Variants in FBXO39 observed in about 807,000 individuals in gnomAD.
FBXO39 encodes the protein F-box only protein 39.
Under a neutral mutation model 36.6 loss-of-function variants are expected in FBXO39, and 22 were observed. The observed-to-expected ratio is 0.60, with a 90% CI of 0.43 to 0.86. FBXO39 has a LOEUF of 0.86. Among genes scored for constraint, FBXO39 ranks in the 40% least tolerant of loss-of-function variants. The pLI, the probability that FBXO39 is intolerant of heterozygous loss-of-function variation, is 0.00. For synonymous variants in FBXO39, 206 were observed against 205.8 expected (o/e 1.00, Z -0.01); for missense variants, 536 against 543.9 (o/e 0.99, Z 0.14).
At chr17:6,778,281 T>C (rs984751284) in intron 1 of FBXO39, among the ~76,000 whole-genome samples, 1 of 152,188 alleles carries the variant, frequency 6.6e-6, no homozygotes, top group Non-Finnish European at 1.5e-5. Context: ...GGCAACGGAA[T>C]GGGACAGAGG....
intron 1 of FBXO39, among the ~76,000 whole-genome samples, chr17:6,776,524 AC>A (rs908127895): frequency 2.0e-5 from 3 of 152,054 alleles, no homozygotes; most frequent in African/African-American, 7.2e-5. Flanking sequence ...TGGTGGACCA[AC>A]CCTGGGTTCG....
At chr17:6,786,106 T>C (rs913640797) in intron 2 of FBXO39, among the ~76,000 whole-genome samples, 2 of 152,248 alleles carry the variant, frequency 1.3e-5, no homozygotes, top group Admixed American at 1.3e-4. Context: ...GCAACCTAAG[T>C]GTCCATCAAT....
Position 6,780,507 on chromosome 17 carries a change from C to A in FBXO39, c.639C>A (p.Ser213Arg), listed in dbSNP as rs752947385. 3.7e-6 allele frequency: 6 copies of A among 1,613,986 alleles called. No individual in the cohort carries two copies. The Admixed American group carries it at 1.0e-4, about 27-fold the overall frequency. The change falls in exon 2 of 4, where the codon AGC (serine) becomes AGA (arginine). Residue 213 changes from serine (S) to arginine (R), a missense_variant. Coordinates refer to ENST00000321535, the MANE Select transcript of FBXO39 (RefSeq NM_153230.3). The stretch of plus-strand genomic sequence containing the variant: ...GCCATCACCTTGCTGTCTACAACAG[C>A]CCCCAGTTCAAAAAGACCATGTCCA... ...YFSHHLAVYN[S>R]PQFKKTMSTF...
At chr17:6,785,300 A>G (rs546744733) in intron 2 of FBXO39, among the ~76,000 whole-genome samples, 1 of 152,288 alleles carries the variant, frequency 6.6e-6, no homozygotes, top group East Asian at 1.9e-4. Context: ...TATGCAGAAG[A>G]ATGAAACTAG....
intron 2 of FBXO39, among the ~76,000 whole-genome samples, chr17:6,785,828 T>C (rs112836141): frequency 0.069 from 10,476 of 152,156 alleles, 1,136 homozygotes; most frequent in African/African-American, 0.23. Context: ...GTTAAAACGA[T>C]TTTTATTCAA....
chr17:6,781,647 G>A (rs1342436919), intron 2 of FBXO39, among the ~76,000 whole-genome samples: 3 of 152,138 alleles, frequency 2.0e-5, no homozygotes, highest in Non-Finnish European at 4.4e-5. Flanking sequence ...CCAGCCCACA[G>A]TCACCCAGCC....
chr17:6,780,914 G>A, intron 2 of FBXO39, 23 bp downstream of exon 2: 1 of 1,594,464 alleles, frequency 6.3e-7, no homozygotes, highest in Non-Finnish European at 8.5e-7. Context: ...TGTGAGGAGT[G>A]ACTGCTGTTC....
chr17:6,786,127 A>G (rs1976567008), intron 2 of FBXO39, among the ~76,000 whole-genome samples: 1 of 152,242 alleles, frequency 6.6e-6, no homozygotes, highest in Non-Finnish European at 1.5e-5. Flanking sequence ...GGATAAAGAA[A>G]ATGTGGTACA....
intron 1 of FBXO39, among the ~76,000 whole-genome samples, chr17:6,779,387 G>A (rs993546579): frequency 6.6e-6 from 1 of 152,290 alleles, no homozygotes; most frequent in Non-Finnish European, 1.5e-5. Flanking sequence ...TGCCCAGAAT[G>A]CATCAGCTCC....
At chr17:6,782,106 C>T (rs981896426) in intron 2 of FBXO39, among the ~76,000 whole-genome samples, 1 of 151,944 alleles carries the variant, frequency 6.6e-6, no homozygotes, top group African/African-American at 2.4e-5. Flanking sequence ...ACAGAAATAA[C>T]AAAAAGTTAA....
intron 1 of FBXO39, among the ~76,000 whole-genome samples, chr17:6,778,776 G>A (rs933534891): frequency 4.6e-5 from 7 of 152,204 alleles, no homozygotes; most frequent in African/African-American, 1.7e-4. Flanking sequence ...ATCTATGGAT[G>A]AAGCAGGCCT....
intron 2 of FBXO39, among the ~76,000 whole-genome samples, chr17:6,782,311 A>C (rs999715432): frequency 6.6e-6 from 1 of 152,206 alleles, no homozygotes; most frequent in African/African-American, 2.4e-5. Flanking sequence ...CATGAAACAT[A>C]CCTCCAGAGA....
chr17:6,779,672 T>C, intron 1 of FBXO39, 117 bp from the exon 2 acceptor site: 1 of 604,430 alleles, frequency 1.7e-6, no homozygotes. Context: ...GAATGTATCA[T>C]TGAACCACCC....
At chr17:6,777,865 C>G (rs1267097240) in intron 1 of FBXO39, among the ~76,000 whole-genome samples, 2 of 152,206 alleles carry the variant, frequency 1.3e-5, no homozygotes, top group Admixed American at 1.3e-4. Context: ...GCGGGACGGG[C>G]TGCTGTTCAG....
Position 6,780,365 on chromosome 17 carries a change from A to T in FBXO39, c.497A>T (p.Tyr166Phe), listed in dbSNP as rs16956264. Residue 166 changes from tyrosine to phenylalanine, a missense_variant, in exon 2 of 4, where the codon TAT (tyrosine) becomes TTT (phenylalanine). Coordinates refer to ENST00000321535, the MANE Select transcript of FBXO39 (RefSeq NM_153230.3). The part of the protein sequence containing the change: ...FLKKMGKRLD[Y>F]LNLKGARLTV... ...AAGAAGATGGGCAAACGCCTGGATT[A>T]TCTCAACCTAAAAGGGGCCAGGCTG... The T allele has an allele frequency of 1.9e-6, 3 of 1,613,976 alleles. No individual in the cohort carries two copies. The highest frequency in any genetic ancestry group is 4.5e-5 in the East Asian group (2 of 44,874).
chr17:6,779,795 AG>A lies in FBXO39; in HGVS notation c.-73del, dbSNP rs1976480352. The A allele has an allele frequency of 6.9e-7, 1 of 1,450,388 alleles. No individual in the cohort carries two copies. 89.8% of individuals were successfully genotyped at this position (1,450,388 alleles called of 1,614,324 possible). ...TCCTTTTTATTCCCCACAGAAAGCA[AG>A]TGATTGCTTTCCTTTCCTCATTTTT... On this transcript the variant is annotated 5_prime_UTR_variant, in exon 2 of 4. In the 5' UTR this introduces an upstream ATG that the reference lacks. Transcript: ENST00000321535.
chr17:6,780,423 C>T lies in FBXO39; in HGVS notation c.555C>T (p.Ser185=). ...AGCAAGGCTGCCAAATTCTCGACTC[C>T]CTCAGCTACATGAGGAATGAGAATG... ...TVEQGCQILD[S]LSYMRNENVI... Residue 185 remains serine, a synonymous_variant, in exon 2 of 4, where the codon TCC becomes TCT. Coordinates refer to ENST00000321535, the MANE Select transcript of FBXO39 (RefSeq NM_153230.3). 6.2e-7 allele frequency: 1 copy of T among 1,614,112 alleles called. No individual in the cohort carries two copies. Among genetic ancestry groups the T allele is most frequent in the Non-Finnish European group, 8.5e-7 (1 of 1,180,014 alleles).
Position 6,785,121 on chromosome 17 carries a change from A to G in FBXO39, c.1024-1659A>G, listed in dbSNP as rs1597777041. Among the ~76,000 whole-genome samples, 4 of 151,882 alleles carry G rather than the reference A, an allele frequency of 2.6e-5. No homozygotes were observed. The South Asian group carries it at 8.3e-4, about 31-fold the overall frequency. On this transcript the variant is annotated intron_variant, in intron 2 of 3. Transcript: ENST00000321535. ...AAAACAGATTTTAAGCCCCTTATAT[A>G]TTCTGGTTATTTATTAATCCCATAA...
intron 2 of FBXO39, among the ~76,000 whole-genome samples, chr17:6,781,794 T>C (rs749413365): frequency 9.2e-5 from 14 of 152,280 alleles, no homozygotes; most frequent in South Asian, 2.1e-4. Context: ...CAATGTCCCT[T>C]ATCTAAAAAG....
Sources: gnomAD v4.1 joint callset for allele counts (sites outside exome capture counted in the v4.1 genomes callset) on GRCh38, gnomAD v4.1.1 for gene constraint, MANE v1.5 for transcripts, NCBI Gene and HGNC (gene_info 2026-07-23, HGNC 2026-07-21) for gene names.